The following ABI3BP variants were observed in gnomAD, a reference collection of about 807,000 sequenced individuals.
ABI3BP encodes the protein ABI family member 3 binding protein, also known as target of Nesh-SH3.
In ABI3BP, 216 loss-of-function variants were observed where a neutral mutation model predicts 268.6. The observed-to-expected ratio is 0.80, with a 90% confidence interval of 0.72 to 0.90. ABI3BP has a LOEUF of 0.90. Ranked by LOEUF, ABI3BP falls within the 40% of genes least tolerant of loss-of-function variation. ABI3BP has a pLI of 0.00. For missense variants in ABI3BP, 2,090 were observed against 2,182.4 expected, an observed-to-expected ratio of 0.96 and a Z score of 0.84; for synonymous variants, 730 against 730.0, an observed-to-expected ratio of 1.00 and a Z score of 0.00.
chr3:100,874,786 A>G, intron 9 of ABI3BP, 55 bp downstream of exon 9: 2 of 1,034,594 alleles, frequency 1.9e-6, no homozygotes, highest in African/African-American at 1.6e-5. Flanking sequence ...TCCTAAGAAT[A>G]TCAGTGCTAG....
At position 100,842,821 on chromosome 3, in the gene ABI3BP, T is replaced by C. The variant is rs1445573663; in HGVS notation, c.1724-782A>G. ...TCATTATTCTATCAACAAAAAGTAT[T>C]GTTTAAGGAGAAAATTAAAAAGGAA... On this transcript the variant is annotated intron_variant, in intron 20 of 67. Coordinates refer to ENST00000471714, the MANE Select transcript of ABI3BP (RefSeq NM_001375547.2). Among the ~76,000 whole-genome samples, 3 of 152,320 alleles carry C rather than the reference T, an allele frequency of 2.0e-5. No homozygotes were observed. In the East Asian group the frequency reaches 5.8e-4, roughly 29 times the overall value.
chr3:100,865,777 G>A (rs1316770412), intron 10 of ABI3BP, among the ~76,000 whole-genome samples: 1 of 152,150 alleles, frequency 6.6e-6, no homozygotes, highest in Non-Finnish European at 1.5e-5. Context: ...GTATAATTGG[G>A]GAAAGTGGGT....
intron 59 of ABI3BP, among the ~76,000 whole-genome samples, chr3:100,777,885 C>T (rs976564381): frequency 6.6e-6 from 1 of 152,200 alleles, no homozygotes; most frequent in African/African-American, 2.4e-5. Context: ...GATAGGAGAG[C>T]TTTCAGTGGG....
intron 2 of ABI3BP, among the ~76,000 whole-genome samples, chr3:100,903,477 T>C (rs1351202920): frequency 6.6e-6 from 1 of 152,258 alleles, no homozygotes; most frequent in Non-Finnish European, 1.5e-5. Context: ...TAGCATTTTA[T>C]AAGCAACTCT....
At chr3:100,901,344 C>T (rs1369711732) in intron 3 of ABI3BP, among the ~76,000 whole-genome samples, 2 of 152,192 alleles carry the variant, frequency 1.3e-5, no homozygotes, top group African/African-American at 2.4e-5. Context: ...TGTTCTTTCT[C>T]CCATTTTATT....
intron 14 of ABI3BP, among the ~76,000 whole-genome samples, chr3:100,855,902 T>C (rs545665391): frequency 1.3e-4 from 20 of 152,214 alleles, no homozygotes; most frequent in Non-Finnish European, 2.9e-4. Flanking sequence ...ACAAAATACC[T>C]TTCTAGTTGG....
chr3:100,921,953 A>G (rs962555916), intron 2 of ABI3BP, among the ~76,000 whole-genome samples: 1 of 152,262 alleles, frequency 6.6e-6, no homozygotes, highest in Admixed American at 6.5e-5. Context: ...TCATTAAACA[A>G]ATGACATGTG....
rs144604645 is a variant in ABI3BP, at chr3:100,869,330, G to GTTTTTTTTTTTTTTTTTTTTTTT, written c.911-2397_911-2375dup. Among the ~76,000 whole-genome samples, 187 of 49,748 alleles carry GTTTTTTTTTTTTTTTTTTTTTTT rather than the reference G, an allele frequency of 3.8e-3. 32 individuals are homozygous for GTTTTTTTTTTTTTTTTTTTTTTT. Among genetic ancestry groups the GTTTTTTTTTTTTTTTTTTTTTTT allele is most frequent in the South Asian group, 6.2e-3 (5 of 812 alleles). 32.6% of individuals were successfully genotyped at this position (49,748 alleles called of 152,430 possible). On this transcript the variant is annotated intron_variant, in intron 9 of 67. Coordinates refer to ENST00000471714, the MANE Select transcript of ABI3BP (RefSeq NM_001375547.2). ...ATATTGTTTTTTCTTCTTCTTTTTGGTTTTTTTTTTTTTTTTTTTTTTTTT... is the reference window on the plus strand; with the variant it reads ...ATATTGTTTTTTCTTCTTCTTTTTGGTTTTTTTTTTTTTTTTTTTTTTTTTTTTTTTTTTTTTTTTTTTTTTTT...
chr3:100,950,532 G>T (rs183445326), intron 1 of ABI3BP, among the ~76,000 whole-genome samples: 9 of 149,886 alleles, frequency 6.0e-5, no homozygotes, highest in African/African-American at 2.3e-4. Flanking sequence ...TGAATGTCAA[G>T]AAGGACTTGT....
intron 2 of ABI3BP, among the ~76,000 whole-genome samples, chr3:100,917,523 G>C (rs2058978588): frequency 6.6e-6 from 1 of 151,920 alleles, no homozygotes; most frequent in Admixed American, 6.6e-5. Flanking sequence ...TTTACTGGCA[G>C]CTGTCTTTCC....
At position 100,875,589 on chromosome 3, in the gene ABI3BP, TA is replaced by T. The variant is rs778125482; in HGVS notation, c.746-11del. The T allele has an allele frequency of 1.2e-6, 2 of 1,607,024 alleles. No individual in the cohort carries two copies. Among genetic ancestry groups the T allele is most frequent in the Non-Finnish European group, 1.7e-6 (2 of 1,173,738 alleles). ...GTAACATTCTGAATCACTGTTGAAA[TA>T]CAAAAAGACAGTGTGAGGGGGTGGG... On this transcript the variant is annotated splice_polypyrimidine_tract_variant and intron_variant, in intron 7 of 67. Transcript: ENST00000471714.
At chr3:100,850,769 T>C in intron 15 of ABI3BP, 35 bp from the exon 16 acceptor site, 1 of 1,486,306 alleles carries the variant, frequency 6.7e-7, no homozygotes, top group Non-Finnish European at 9.4e-7. Flanking sequence ...GTAAAAGCAG[T>C]AGAAGGCCCC....
chr3:100,780,014 G>T, intron 58 of ABI3BP, 118 bp downstream of exon 58: 1 of 823,310 alleles, frequency 1.2e-6, no homozygotes, highest in South Asian at 1.5e-5. Flanking sequence ...TGTGTGTGTG[G>T]TTCTGATACT....
intron 1 of ABI3BP, among the ~76,000 whole-genome samples, chr3:100,950,418 G>A (rs1181503357): frequency 6.6e-6 from 1 of 152,162 alleles, no homozygotes; most frequent in African/African-American, 2.4e-5. Context: ...ATTCTACATA[G>A]AGGAGGGACC....
At chr3:100,774,229 A>G (rs1232573719) in intron 61 of ABI3BP, among the ~76,000 whole-genome samples, 1 of 152,164 alleles carries the variant, frequency 6.6e-6, no homozygotes, top group Non-Finnish European at 1.5e-5. Flanking sequence ...ATTGGTAGAT[A>G]TGACACAAAA....
intron 30 of ABI3BP, among the ~76,000 whole-genome samples, chr3:100,832,887 T>C (rs1017911105): frequency 2.6e-5 from 4 of 152,172 alleles, no homozygotes; most frequent in Admixed American, 1.3e-4. Context: ...GGATCTTGGC[T>C]CTAAGAGTAT....
At chr3:100,933,989 T>C (rs991111888) in intron 1 of ABI3BP, among the ~76,000 whole-genome samples, 35 of 152,088 alleles carry the variant, frequency 2.3e-4, no homozygotes, top group South Asian at 4.1e-4. Context: ...CCAATAATAA[T>C]TTTTTAATTA....
chr3:100,798,330 A>G (rs1401449415), intron 51 of ABI3BP, among the ~76,000 whole-genome samples: 1 of 152,164 alleles, frequency 6.6e-6, no homozygotes, highest in Non-Finnish European at 1.5e-5. Flanking sequence ...AGAAATAGAA[A>G]TATTTACAGG....
Position 100,752,735 on chromosome 3 carries a change from A to C in ABI3BP, c.5122+52T>G. 3.8e-6 allele frequency: 6 copies of C among 1,587,364 alleles called. No homozygotes were observed. In the South Asian group the frequency reaches 6.8e-5, roughly 18 times the overall value. On this transcript the variant is annotated intron_variant, in intron 66 of 67. Transcript: ENST00000471714. ...AAAAGGCCAAGTTGTACAATGCTGC[A>C]AAACATTCCCATAAGTTAAGGGCTG...
Sources: gnomAD v4.1 joint callset for allele counts (sites outside exome capture counted in the v4.1 genomes callset) on GRCh38, gnomAD v4.1.1 for gene constraint, MANE v1.5 for transcripts, NCBI Gene and HGNC (gene_info 2026-07-23, HGNC 2026-07-21) for gene names.